The following VAV3 variants were observed in gnomAD, a reference collection of about 807,000 sequenced individuals.
VAV3 encodes the protein vav guanine nucleotide exchange factor 3.
In VAV3, 94 loss-of-function variants were observed where a neutral mutation model predicts 131.2. The ratio of observed to expected loss-of-function variants is 0.72; its 90% CI spans 0.61 to 0.85. The LOEUF is 0.85. Among genes scored for constraint, VAV3 ranks in the 40% least tolerant of loss-of-function variants. VAV3 has a pLI of 0.00. For synonymous variants in VAV3, 349 were observed against 342.0 expected, an observed-to-expected ratio of 1.02 and a Z score of -0.22; for missense variants, 939 against 1,002.7, an observed-to-expected ratio of 0.94 and a Z score of 0.86.
chr1:107,810,376 C>G (rs1469240455), intron 2 of VAV3, among the ~76,000 whole-genome samples: 1 of 152,162 alleles, frequency 6.6e-6, no homozygotes. Flanking sequence ...ATGTTTTCTT[C>G]TTGGAACCAG....
chr1:107,823,773 G>A (rs1287670447), intron 2 of VAV3, among the ~76,000 whole-genome samples: 1 of 152,188 alleles, frequency 6.6e-6, no homozygotes, highest in Admixed American at 6.5e-5. Flanking sequence ...TGATCTGACA[G>A]GATTAGTGTC....
intron 19 of VAV3, among the ~76,000 whole-genome samples, chr1:107,655,671 T>C (rs1656496251): frequency 6.6e-6 from 1 of 151,516 alleles, no homozygotes; most frequent in South Asian, 2.1e-4. Flanking sequence ...CAATCAACAA[T>C]GTAGAGAATG....
intron 20 of VAV3, among the ~76,000 whole-genome samples, chr1:107,633,443 CTCTT>C (rs1654659373): frequency 6.6e-6 from 1 of 152,170 alleles, no homozygotes; most frequent in Admixed American, 6.6e-5. Flanking sequence ...TACTTCCTGT[CTCTT>C]TCTTTGTTGT....
At chr1:107,761,036 A>G (rs898002837) in intron 9 of VAV3, among the ~76,000 whole-genome samples, 157 bp from the exon 10 acceptor site, 2 of 152,220 alleles carry the variant, frequency 1.3e-5, no homozygotes, top group Non-Finnish European at 2.9e-5. Flanking sequence ...ATTTAAAAAA[A>G]CAAATCTTGT....
chr1:107,902,496 T>C (rs1671907564), intron 1 of VAV3, among the ~76,000 whole-genome samples: 1 of 152,228 alleles, frequency 6.6e-6, no homozygotes, highest in Non-Finnish European at 1.5e-5. Flanking sequence ...TTCTGCCCTT[T>C]CACTATTGCC....
In VAV3 at chr1:107,872,775, A is replaced by T. The variant is rs11185190; in HGVS notation, c.321+2126T>A. On this transcript the variant is annotated intron_variant, in intron 2 of 26. Coordinates refer to ENST00000370056, the MANE Select transcript of VAV3 (RefSeq NM_006113.5). ...GAGTTCAAACTGCTGCTTCAATCTC[A>T]AATAGATATGTGATTTGGGATGCAG... Among the ~76,000 whole-genome samples the T allele has an allele frequency of 4.4e-3, 677 of 152,306 alleles. 5 individuals carry two copies. The highest frequency in any genetic ancestry group is 0.015 in the African/African-American group (639 of 41,576).
At chr1:107,777,037 G>A (rs940130317) in intron 4 of VAV3, among the ~76,000 whole-genome samples, 194 bp downstream of exon 4, 2 of 152,118 alleles carry the variant, frequency 1.3e-5, no homozygotes, top group African/African-American at 4.8e-5. Context: ...TATTCTTCAT[G>A]GGGACACAAA....
At chr1:107,810,968 A>C (rs2102330217) in intron 2 of VAV3, among the ~76,000 whole-genome samples, 1 of 152,266 alleles carries the variant, frequency 6.6e-6, no homozygotes, top group East Asian at 1.9e-4. Context: ...TAAGAAACAA[A>C]AATAACAGAC....
At chr1:107,763,160 T>C (rs1664534981) in intron 9 of VAV3, among the ~76,000 whole-genome samples, 1 of 152,224 alleles carries the variant, frequency 6.6e-6, no homozygotes, top group Non-Finnish European at 1.5e-5. Flanking sequence ...AGTGTTACAC[T>C]AAGTATCCGA....
intron 25 of VAV3, among the ~76,000 whole-genome samples, chr1:107,580,880 T>C (rs1649994301): frequency 6.6e-6 from 1 of 152,210 alleles, no homozygotes; most frequent in Non-Finnish European, 1.5e-5. Context: ...TCTATATATA[T>C]GGATGCATGG....
intron 15 of VAV3, among the ~76,000 whole-genome samples, chr1:107,711,218 C>G (rs911555310): frequency 1.3e-5 from 2 of 152,028 alleles, no homozygotes; most frequent in Non-Finnish European, 2.9e-5. Context: ...CAAGTGGCAC[C>G]TGAAGAGATC....
chr1:107,795,242 T>G (rs946632779), intron 2 of VAV3, among the ~76,000 whole-genome samples: 1 of 152,240 alleles, frequency 6.6e-6, no homozygotes, highest in African/African-American at 2.4e-5. Flanking sequence ...AGAAATATTT[T>G]TAAATGGACG....
At chr1:107,875,985 G>C (rs1009404678) in intron 1 of VAV3, among the ~76,000 whole-genome samples, 6 of 152,148 alleles carry the variant, frequency 3.9e-5, no homozygotes, top group Admixed American at 1.3e-4. Context: ...CATGACACTG[G>C]CTGAAATGAC....
rs1652000988 is a variant in VAV3 at position 107,603,182 on chromosome 1, CAG to C, written c.2016-21_2016-20del. 3 of 1,598,208 alleles carry C rather than the reference CAG, an allele frequency of 1.9e-6. No homozygotes were observed. Among genetic ancestry groups the C allele is most frequent in the Non-Finnish European group, 2.6e-6 (3 of 1,167,346 alleles). ...AGCATACCTGTAAAAAACAATGACA[CAG>C]AAAATTTGGATAATATACCTGGAAG... On this transcript the variant is annotated intron_variant, in intron 22 of 26. Transcript: ENST00000370056.
chr1:107,901,180 C>T (rs1471081384), intron 1 of VAV3, among the ~76,000 whole-genome samples: 1 of 152,138 alleles, frequency 6.6e-6, no homozygotes, highest in Non-Finnish European at 1.5e-5. Flanking sequence ...TTGTAGCTGA[C>T]AATTTACCTA....
chr1:107,839,234 T>C (rs1245736117), intron 2 of VAV3, among the ~76,000 whole-genome samples: 1 of 152,192 alleles, frequency 6.6e-6, no homozygotes, highest in Non-Finnish European at 1.5e-5. Flanking sequence ...TTTGTCTTCT[T>C]CAAGCTTATG....
chr1:107,734,247 T>C (rs1662446436), intron 15 of VAV3, among the ~76,000 whole-genome samples: 1 of 152,192 alleles, frequency 6.6e-6, no homozygotes, highest in Non-Finnish European at 1.5e-5. Context: ...TAACAGCCAC[T>C]GCAAAAACAT....
chr1:107,885,181 G>A lies in VAV3; in HGVS notation c.205-10164C>T, dbSNP rs577857428. ...ATGCTTGCCTTGCCCCAGAAGGAGG[G>A]GAGCTGGGGTTTTTCCTCATTAGAG... On this transcript the variant is annotated intron_variant, in intron 1 of 26. Coordinates refer to ENST00000370056, the MANE Select transcript of VAV3 (RefSeq NM_006113.5). Among the ~76,000 whole-genome samples the A allele has an allele frequency of 2.0e-5, 3 of 152,234 alleles. No homozygotes were observed. In the South Asian group the frequency reaches 6.2e-4, roughly 32 times the overall value.
intron 19 of VAV3, among the ~76,000 whole-genome samples, chr1:107,652,827 AT>A (rs1458009433): frequency 1.3e-5 from 2 of 152,004 alleles, no homozygotes; most frequent in Non-Finnish European, 2.9e-5. Flanking sequence ...TGTAACTGAC[AT>A]TTTCCAAAAA....
Sources: allele counts gnomAD v4.1 joint callset (sites outside exome capture counted in the v4.1 genomes callset), GRCh38; gene constraint gnomAD v4.1.1; transcripts MANE v1.5; gene names NCBI Gene and HGNC (gene_info 2026-07-23, HGNC 2026-07-21).